The following NEO1 variants were observed in gnomAD, a reference collection of about 807,000 sequenced individuals.
The protein encoded by NEO1 is neogenin.
NEO1 carries 63 observed loss-of-function variants against 159.7 expected under a neutral mutation model. The ratio of observed to expected loss-of-function variants is 0.39; its 90% CI spans 0.32 to 0.49. The LOEUF is 0.49. Ranked by LOEUF, NEO1 falls within the 20% of genes least tolerant of loss-of-function variation. The pLI, the probability that NEO1 is intolerant of heterozygous loss-of-function variation, is 0.85. For missense variants in NEO1, 1,615 were observed against 1,831.0 expected, an observed-to-expected ratio of 0.88 and a Z score of 2.15; for synonymous variants, 633 against 662.0, an observed-to-expected ratio of 0.96 and a Z score of 0.67.
rs11370260 is a variant in NEO1, at chr15:73,149,312, TA to T, written c.1015+13299del. Among the ~76,000 whole-genome samples, 157 of 137,636 alleles carry T rather than the reference TA, an allele frequency of 1.1e-3. 1 individual carries two copies. Among genetic ancestry groups the T allele is most frequent in the Middle Eastern group, 3.8e-3 (1 of 260 alleles). The allele number at this position is 137,636 out of a possible 152,430, so 90.3% of individuals were successfully genotyped here. On this transcript the variant is annotated intron_variant, in intron 5 of 28. Coordinates refer to ENST00000261908, the MANE Select transcript of NEO1 (RefSeq NM_002499.4). ...CCTGGCGACAGAGTAAGACTCGGTCTAAAAAAAAAAAAAACAGGGTTTCAGT... is the reference window on the plus strand; with the variant it reads ...CCTGGCGACAGAGTAAGACTCGGTCTAAAAAAAAAAAAACAGGGTTTCAGT...
At chr15:73,121,955 T>C (rs1051335669) in intron 2 of NEO1, among the ~76,000 whole-genome samples, 1 of 151,596 alleles carries the variant, frequency 6.6e-6, no homozygotes, top group Non-Finnish European at 1.5e-5. Context: ...CAAGAAATTA[T>C]TTAGAAAAGG....
At position 73,119,012 on chromosome 15, in the gene NEO1, T is replaced by C. The variant is rs2169953; in HGVS notation, c.448+2155T>C. Among the ~76,000 whole-genome samples, 1,241 of 152,004 alleles carry C rather than the reference T, an allele frequency of 8.2e-3. 9 individuals are homozygous for C. Among genetic ancestry groups the C allele is most frequent in the African/African-American group, 0.018 (736 of 41,466 alleles). ...AGGATACACTGTGTGTGTGTGTGTG[T>C]GCGCGCAATTAAAAGGTACTAGTTT... On this transcript the variant is annotated intron_variant, in intron 2 of 28. Coordinates refer to ENST00000261908, the MANE Select transcript of NEO1 (RefSeq NM_002499.4).
chr15:73,282,515 A>C (rs890252144), intron 22 of NEO1, among the ~76,000 whole-genome samples: 4 of 152,242 alleles, frequency 2.6e-5, no homozygotes, highest in Non-Finnish European at 5.9e-5. Context: ...ATAATCTCAG[A>C]TATCTGCCTG....
chr15:73,108,548 A>G (rs1365619447), intron 1 of NEO1, among the ~76,000 whole-genome samples: 2 of 151,702 alleles, frequency 1.3e-5, no homozygotes, highest in African/African-American at 4.8e-5. Context: ...AAAGGATAAA[A>G]CAAAACAACA....
At chr15:73,249,487 T>C in intron 10 of NEO1, 96 bp from the exon 11 acceptor site, 1 of 1,308,408 alleles carries the variant, frequency 7.6e-7, no homozygotes, top group Non-Finnish European at 1.0e-6. Flanking sequence ...AAAATCTGTT[T>C]CATGTAGAAT....
intron 4 of NEO1, among the ~76,000 whole-genome samples, chr15:73,132,591 A>C (rs1157022494): frequency 6.6e-6 from 1 of 152,232 alleles, no homozygotes; most frequent in African/African-American, 2.4e-5. Flanking sequence ...CAGTAGAGTA[A>C]ACAGACAACC....
At position 73,084,010 on chromosome 15, in the gene NEO1, A is replaced by G. The variant is rs148543322; in HGVS notation, c.130+31205A>G. 7.2e-5 allele frequency among the ~76,000 whole-genome samples: 11 copies of G among 152,238 alleles called. No homozygotes were observed. The East Asian group carries it at 1.3e-3, about 19-fold the overall frequency. On this transcript the variant is annotated intron_variant, in intron 1 of 28. Transcript: ENST00000261908. ...TTTCATTGACAAATAAAAATTGAAT[A>G]TATTTATTGTGGACAACATAATAAT...
At chr15:73,242,410 A>G (rs750361772) in intron 8 of NEO1, among the ~76,000 whole-genome samples, 3 of 152,172 alleles carry the variant, frequency 2.0e-5, no homozygotes, top group African/African-American at 7.2e-5. Context: ...GTTCATGCCT[A>G]TAGTCTCAGC....
intron 7 of NEO1, among the ~76,000 whole-genome samples, chr15:73,224,993 G>C (rs2038495116): frequency 6.6e-6 from 1 of 152,156 alleles, no homozygotes; most frequent in Non-Finnish European, 1.5e-5. Context: ...GTCCCATGGG[G>C]TGTTCCCTTG....
intron 5 of NEO1, among the ~76,000 whole-genome samples, chr15:73,136,494 C>A (rs891659362): frequency 3.3e-5 from 5 of 152,012 alleles, no homozygotes; most frequent in Non-Finnish European, 7.4e-5. Flanking sequence ...TTCTGTGACC[C>A]CGAATTATTT....
chr15:73,239,404 A>G (rs113232482), intron 8 of NEO1, among the ~76,000 whole-genome samples: 1 of 152,204 alleles, frequency 6.6e-6, no homozygotes, highest in African/African-American at 2.4e-5. Context: ...GTTTATTTAT[A>G]GCATTGTTTG....
chr15:73,088,223 G>A (rs2069473657), intron 1 of NEO1, among the ~76,000 whole-genome samples: 1 of 151,750 alleles, frequency 6.6e-6, no homozygotes, highest in Admixed American at 6.6e-5. Context: ...CAAGGGGTTA[G>A]CAAGATTAAG....
intron 7 of NEO1, among the ~76,000 whole-genome samples, chr15:73,192,653 G>A (rs902791773): frequency 6.6e-6 from 1 of 151,596 alleles, no homozygotes; most frequent in Admixed American, 6.6e-5. Flanking sequence ...TGGAATACTA[G>A]GAAGCTGTTA....
At chr15:73,247,707 C>T (rs1232409383) in intron 9 of NEO1, among the ~76,000 whole-genome samples, 3 of 152,102 alleles carry the variant, frequency 2.0e-5, no homozygotes, top group Admixed American at 6.6e-5. Flanking sequence ...TAATGAATGT[C>T]TATTACAGAA....
At chr15:73,171,473 A>G (rs1055953376) in intron 5 of NEO1, among the ~76,000 whole-genome samples, 4 of 151,930 alleles carry the variant, frequency 2.6e-5, no homozygotes, top group Non-Finnish European at 4.4e-5. Context: ...CTGAGGCAGG[A>G]GGATTACTTG....
At chr15:73,066,320 CTTTTTTT>C (rs35179965) in intron 1 of NEO1, among the ~76,000 whole-genome samples, 13 of 110,230 alleles carry the variant, frequency 1.2e-4, no homozygotes, top group Non-Finnish European at 1.6e-4. Context: ...CACCTGGCCT[CTTTTTTT>C]TTTTTTTTTT....
chr15:73,197,749 C>T (rs531820212), intron 7 of NEO1, among the ~76,000 whole-genome samples: 2 of 143,526 alleles, frequency 1.4e-5, no homozygotes, highest in South Asian at 2.2e-4. Flanking sequence ...GGCGCAATTT[C>T]GGCTCACTGC....
At position 73,250,210 on chromosome 15, in the gene NEO1, C is replaced by T. The variant is rs186999212; in HGVS notation, c.1894+489C>T. Reference sequence around the variant, plus strand: ...TACACCCATATATATGTATATACACCCATGACCTAGAGCAGTGTTTTTCGA... The same window carrying T: ...TACACCCATATATATGTATATACACTCATGACCTAGAGCAGTGTTTTTCGA... On this transcript the variant is annotated intron_variant, in intron 11 of 28. Transcript: ENST00000261908. Among the ~76,000 whole-genome samples the T allele has an allele frequency of 1.5e-4, 22 of 151,532 alleles. No individual in the cohort carries two copies. The East Asian group carries it at 4.1e-3, about 28-fold the overall frequency.
At chr15:73,261,453 A>G (rs1056809359) in intron 15 of NEO1, among the ~76,000 whole-genome samples, 4 of 152,170 alleles carry the variant, frequency 2.6e-5, no homozygotes, top group African/African-American at 9.7e-5. Flanking sequence ...AGGTCACTAA[A>G]ACTATAAGTG....
Sources: gnomAD v4.1 joint callset for allele counts (sites outside exome capture counted in the v4.1 genomes callset) on GRCh38, gnomAD v4.1.1 for gene constraint, MANE v1.5 for transcripts, NCBI Gene and HGNC (gene_info 2026-07-23, HGNC 2026-07-21) for gene names.